PIK3CD: variants seen among roughly 807,000 people sequenced by gnomAD.
PIK3CD encodes the protein phosphatidylinositol-4,5-bisphosphate 3-kinase catalytic subunit delta.
In PIK3CD, 20 loss-of-function variants were observed where a neutral mutation model predicts 122.9. The ratio of observed to expected loss-of-function variants is 0.16; its 90% CI spans 0.11 to 0.24. The LOEUF (loss-of-function observed/expected upper bound fraction) is 0.24, where lower values mean the gene tolerates loss of function less well. PIK3CD is among the 10% of genes least tolerant of loss of function. The pLI is 1.00. For missense variants in PIK3CD, 787 were observed against 1,406.3 expected, an observed-to-expected ratio of 0.56 and a Z score of 7.04; for synonymous variants, 596 against 593.4, an observed-to-expected ratio of 1.00 and a Z score of -0.06.
chr1:9,718,805 G>A lies in PIK3CD; in HGVS notation c.1132G>A (p.Asp378Asn), dbSNP rs1453300166. 6 of 1,612,024 alleles carry A rather than the reference G, an allele frequency of 3.7e-6. No individual in the cohort carries two copies. Among genetic ancestry groups the A allele is most frequent in the Non-Finnish European group, 4.2e-6 (5 of 1,179,980 alleles). Reference sequence around the variant, plus strand: ...CGTGTGGAAGCAGCGGCTGGAGTTCGACATCAACATCTGCGACCTGCCCCG... The same window carrying A: ...CGTGTGGAAGCAGCGGCTGGAGTTCAACATCAACATCTGCGACCTGCCCCG... ...EPVWKQRLEFDINICDLPRMA... is the reference protein window; with the variant it reads ...EPVWKQRLEFNINICDLPRMA... Residue 378 changes from aspartate to asparagine, a missense_variant, in exon 9 of 24, where the codon GAC (aspartate) becomes AAC (asparagine). Around this residue, in one of 6 missense-constraint regions of PIK3CD, gnomAD observed 592 missense variants for 920.6 expected, o/e 0.64. Transcript: ENST00000377346. This position sits in a 1 kb window ranked among gnomAD's most constrained non-coding sequence, Gnocchi z 7.2.
chr1:9,673,318 G>A (rs1287926154), intron 1 of PIK3CD, among the ~76,000 whole-genome samples: 2 of 151,994 alleles, frequency 1.3e-5, no homozygotes, highest in Non-Finnish European at 2.9e-5. Flanking sequence ...GGCGTGTAAT[G>A]GTGCGATCTC....
chr1:9,667,055 G>T (rs1186860245), intron 1 of PIK3CD, among the ~76,000 whole-genome samples: 3 of 152,108 alleles, frequency 2.0e-5, no homozygotes, highest in Non-Finnish European at 2.9e-5. Context: ...GTAGATACGG[G>T]GTTTCACCAT....
At chr1:9,714,981 G>A (rs955567969) in intron 3 of PIK3CD, among the ~76,000 whole-genome samples, 29 of 152,048 alleles carry the variant, frequency 1.9e-4, no homozygotes, top group African/African-American at 7.0e-4. Flanking sequence ...GACCAGCTTG[G>A]CCAATGTAGC....
chr1:9,716,837 A>G (rs1647550007), intron 6 of PIK3CD, 122 bp from the exon 7 acceptor site: 2 of 1,404,430 alleles, frequency 1.4e-6, no homozygotes, highest in Non-Finnish European at 2.0e-6. Context: ...ACCAGCAGGA[A>G]GCCCTCCCCT....
intron 1 of PIK3CD, among the ~76,000 whole-genome samples, chr1:9,677,331 A>C (rs1645575310): frequency 6.6e-6 from 1 of 151,962 alleles, no homozygotes; most frequent in Non-Finnish European, 1.5e-5. Flanking sequence ...GTTTTAAGAG[A>C]TATTATATGG....
chr1:9,672,697 A>G (rs900259968), intron 1 of PIK3CD: 3 of 152,150 alleles, frequency 2.0e-5, no homozygotes, highest in Non-Finnish European at 4.4e-5. Context: ...AAGTGGTGAG[A>G]TTATAGGTGT....
chr1:9,634,627 A>G, the PIK3CD span, among the ~76,000 whole-genome samples: 1 of 152,182 alleles, frequency 6.6e-6, no homozygotes, highest in Non-Finnish European at 1.5e-5. Flanking sequence ...TCAGCCTTTG[A>G]GTCCCATGAG....
At chr1:9,695,684 A>C (rs1017112793) in intron 2 of PIK3CD, among the ~76,000 whole-genome samples, 42 of 152,142 alleles carry the variant, frequency 2.8e-4, no homozygotes, top group Middle Eastern at 3.4e-3. Flanking sequence ...TCTACTAAAA[A>C]TACAAAAATT....
chr1:9,721,634 G>T, intron 15 of PIK3CD, 47 bp downstream of exon 15: 1 of 1,611,098 alleles, frequency 6.2e-7, no homozygotes. Flanking sequence ...CAGCCCCTGA[G>T]TCTCCCTGGA....
At chr1:9,674,036 G>A (rs183082240) in intron 1 of PIK3CD, among the ~76,000 whole-genome samples, 10 of 152,312 alleles carry the variant, frequency 6.6e-5, no homozygotes, top group African/African-American at 2.2e-4. Flanking sequence ...TGGCCAGGGT[G>A]TTTGGTAAGG....
chr1:9,678,291 A>C (rs1487894471), intron 1 of PIK3CD, among the ~76,000 whole-genome samples: 1 of 151,938 alleles, frequency 6.6e-6, no homozygotes, highest in Non-Finnish European at 1.5e-5. Flanking sequence ...GTCTACAAAA[A>C]ACAGCAACAC....
intron 1 of PIK3CD, among the ~76,000 whole-genome samples, chr1:9,666,225 G>GTTTTTT (rs1394550198): frequency 6.2e-5 from 6 of 97,404 alleles, no homozygotes; most frequent in South Asian, 8.5e-4. Context: ...ACCGCGCCCG[G>GTTTTTT]TCTTTTTTTT....
chr1:9,682,907 A>G (rs1436102047), intron 1 of PIK3CD, among the ~76,000 whole-genome samples: 1 of 152,144 alleles, frequency 6.6e-6, no homozygotes, highest in East Asian at 1.9e-4. Context: ...CCTCAGGGAC[A>G]CTCATGGGCC....
chr1:9,673,940 G>T (rs929877262), intron 1 of PIK3CD, among the ~76,000 whole-genome samples: 7 of 152,198 alleles, frequency 4.6e-5, no homozygotes, highest in Admixed American at 2.0e-4. Context: ...ATTGGAGCAG[G>T]CATGGCGACC....
upstream of PIK3CD, among the ~76,000 whole-genome samples, chr1:9,648,307 C>T (rs1339823382): frequency 1.3e-5 from 2 of 152,208 alleles, no homozygotes; most frequent in Admixed American, 6.6e-5. Context: ...TGCCTCCATT[C>T]TCCCGGCAGC....
chr1:9,717,253 G>A lies in PIK3CD; in HGVS notation c.930+145G>A. ...CTGGGGAAGCCAACACAGCTGACCA[G>A]CGTCCTGGGCTGGGGGCCTGTGGGA... On this transcript the variant is annotated intron_variant, in intron 7 of 23. Transcript: ENST00000377346. The surrounding 1 kb of genome is among the most constrained non-coding windows in gnomAD (Gnocchi z 5.4). The A allele has an allele frequency of 9.0e-7, 1 of 1,105,492 alleles. No individual in the cohort carries two copies. The highest frequency in any genetic ancestry group is 1.3e-6 in the Non-Finnish European group (1 of 749,962). The allele number at this position is 1,105,492 out of a possible 1,614,324, so 68.5% of individuals were successfully genotyped here. A position where few individuals can be genotyped will look rare whatever the true frequency, so the allele number is the denominator to read the frequency against.
chr1:9,668,710 T>C (rs1193203276), intron 1 of PIK3CD, among the ~76,000 whole-genome samples: 1 of 152,188 alleles, frequency 6.6e-6, no homozygotes. Flanking sequence ...TTTTAATCTA[T>C]AGCAGATTGA....
At position 9,694,126 on chromosome 1, in the gene PIK3CD, C is replaced by T. The variant is rs114361133; in HGVS notation, c.-33+2555C>T. ...ATATCCTGGGTAGCTCCCCGAACAC[C>T]GCAGCTTCCATACAGCCTCTGGGCA... On this transcript the variant is annotated intron_variant, in intron 2 of 23. Coordinates refer to ENST00000377346, the MANE Select transcript of PIK3CD (RefSeq NM_005026.5). Among the ~76,000 whole-genome samples, 1,392 of 152,260 alleles carry T rather than the reference C, an allele frequency of 9.1e-3. 16 individuals carry two copies. Among genetic ancestry groups the T allele is most frequent in the Middle Eastern group, 0.027 (8 of 294 alleles).
chr1:9,656,357 T>C (rs1332490376), intron 1 of PIK3CD, among the ~76,000 whole-genome samples: 1 of 152,182 alleles, frequency 6.6e-6, no homozygotes, highest in Non-Finnish European at 1.5e-5. Context: ...CCAAGGAGCT[T>C]TGTATTTGAT....
Sources: allele counts gnomAD v4.1 joint callset (sites outside exome capture counted in the v4.1 genomes callset), GRCh38; gene constraint gnomAD v4.1.1; regional missense constraint gnomAD v4.1.1; non-coding constraint Gnocchi (gnomAD v3.1); transcripts MANE v1.5; gene names NCBI Gene and HGNC (gene_info 2026-07-23, HGNC 2026-07-21).